Variants in COL4A3 observed in about 807,000 individuals in gnomAD.
The protein encoded by COL4A3 is collagen alpha-3(IV) chain.
A neutral mutation model predicts 217.4 loss-of-function variants in COL4A3; 135 were observed. The observed-to-expected ratio is 0.62, with a 90% confidence interval of 0.54 to 0.72. The LOEUF (loss-of-function observed/expected upper bound fraction) is 0.72. Ranked by LOEUF, COL4A3 falls within the 30% of genes least tolerant of loss-of-function variation. The probability of loss-of-function intolerance (pLI) is 0.00; values close to 1 mark genes in which losing one functional copy is unlikely to be tolerated. For synonymous variants in COL4A3, 690 were observed against 736.3 expected, an observed-to-expected ratio of 0.94 and a Z score of 1.02; for missense variants, 1,868 against 2,119.9, an observed-to-expected ratio of 0.88 and a Z score of 2.33.
At chr2:227,199,389 A>G (rs1399394644) in intron 1 of COL4A3, among the ~76,000 whole-genome samples, 1 of 152,184 alleles carries the variant, frequency 6.6e-6, no homozygotes, top group Admixed American at 6.5e-5. Flanking sequence ...GCATACTATC[A>G]TCCTAGAAAA....
intron 28 of COL4A3, among the ~76,000 whole-genome samples, chr2:227,279,061 G>A (rs1425531325): frequency 6.7e-6 from 1 of 149,662 alleles, no homozygotes; most frequent in Non-Finnish European, 1.5e-5. Context: ...TACCTGGGGT[G>A]CTGAAAACGT....
intron 50 of COL4A3, 86 bp from the exon 51 acceptor site, chr2:227,310,690 C>G: frequency 1.9e-6 from 2 of 1,061,934 alleles, no homozygotes; most frequent in Admixed American, 3.7e-5. Context: ...TCACAGTTGC[C>G]CATTCATTCA....
At chr2:227,221,494 C>A (rs1341807511) in intron 1 of COL4A3, 5 of 151,890 alleles carry the variant, frequency 3.3e-5, no homozygotes, top group African/African-American at 4.8e-5. Flanking sequence ...TCTGGAAAAA[C>A]CACAAATCTG....
At chr2:227,252,268 T>C (rs137909045) in intron 11 of COL4A3, among the ~76,000 whole-genome samples, 2,542 of 138,418 alleles carry the variant, frequency 0.018, 78 homozygotes, top group African/African-American at 0.066. Context: ...GGCTGGAGTG[T>C]AGTGGTGCGA....
At chr2:227,311,120 G>A (rs889876551) in intron 51 of COL4A3, among the ~76,000 whole-genome samples, 172 bp downstream of exon 51, 2 of 152,160 alleles carry the variant, frequency 1.3e-5, no homozygotes, top group Non-Finnish European at 2.9e-5. Flanking sequence ...TGAATTTATA[G>A]TAAATTACTT....
intron 1 of COL4A3, among the ~76,000 whole-genome samples, chr2:227,181,571 C>T (rs1049347393): frequency 6.6e-6 from 1 of 152,092 alleles, no homozygotes; most frequent in Non-Finnish European, 1.5e-5. Flanking sequence ...AAAAATAACT[C>T]CTCATATTAG....
intron 1 of COL4A3, among the ~76,000 whole-genome samples, chr2:227,194,925 T>C (rs1220187902): frequency 6.6e-6 from 1 of 152,156 alleles, no homozygotes; most frequent in Non-Finnish European, 1.5e-5. Flanking sequence ...CTAATGAATT[T>C]GAAAACATGA....
chr2:227,282,835 T>C lies in COL4A3; in HGVS notation c.2656+303T>C, dbSNP rs1246209033. On this transcript the variant is annotated intron_variant, in intron 32 of 51. Transcript: ENST00000396578. This position sits in a 1 kb window ranked among gnomAD's most constrained non-coding sequence, Gnocchi z 4.4. ...TATATTGAGAAGGGATATTGGTCTGTAGCGTTCTTGTGATGTCTTTGGTGT... is the reference window on the plus strand; with the variant it reads ...TATATTGAGAAGGGATATTGGTCTGCAGCGTTCTTGTGATGTCTTTGGTGT... Among the ~76,000 whole-genome samples, 1 of 152,200 alleles carries C rather than the reference T, an allele frequency of 6.6e-6. No homozygotes were observed. Among genetic ancestry groups the C allele is most frequent in the Non-Finnish European group, 1.5e-5 (1 of 68,034 alleles).
intron 3 of COL4A3, among the ~76,000 whole-genome samples, chr2:227,242,331 G>C (rs1410468492): frequency 1.3e-5 from 2 of 152,220 alleles, no homozygotes; most frequent in Non-Finnish European, 2.9e-5. Flanking sequence ...AGAAGGTCCA[G>C]AAGGGTCCCA....
At chr2:227,202,562 G>A (rs185790990) in intron 1 of COL4A3, among the ~76,000 whole-genome samples, 1 of 151,358 alleles carries the variant, frequency 6.6e-6, no homozygotes, top group East Asian at 1.9e-4. Flanking sequence ...GGCTAACACG[G>A]TGAAACCCCG....
At chr2:227,216,380 A>G (rs1272175662) in intron 1 of COL4A3, among the ~76,000 whole-genome samples, 1 of 152,220 alleles carries the variant, frequency 6.6e-6, no homozygotes, top group Non-Finnish European at 1.5e-5. Context: ...AACCAGGACA[A>G]TACTACAAAG....
chr2:227,279,767 CAAT>C (rs748536529), intron 28 of COL4A3, 23 bp from the exon 29 acceptor site: 46 of 1,483,694 alleles, frequency 3.1e-5, no homozygotes, highest in East Asian at 2.5e-4. Context: ...AATCCTACAA[CAAT>C]GTTTATTGTT....
chr2:227,286,613 G>C (rs2072343436), intron 34 of COL4A3, among the ~76,000 whole-genome samples: 1 of 152,200 alleles, frequency 6.6e-6, no homozygotes, highest in African/African-American at 2.4e-5. Context: ...ATAGGAAATG[G>C]CAGAGATGGG....
At chr2:227,192,438 C>A (rs1289947504) in intron 1 of COL4A3, among the ~76,000 whole-genome samples, 3 of 13,300 alleles carry the variant, frequency 2.3e-4, no homozygotes, top group African/African-American at 2.7e-4. Flanking sequence ...GGATGAAAAC[C>A]AACCTTTTCA....
At chr2:227,271,092 C>A in intron 25 of COL4A3, 140 bp downstream of exon 25, 1 of 763,284 alleles carries the variant, frequency 1.3e-6, no homozygotes, top group Non-Finnish European at 2.3e-6. Context: ...TTCAAATTAG[C>A]AGGAATAACC....
chr2:227,254,568 A>T, intron 14 of COL4A3, 88 bp from the exon 15 acceptor site: 2 of 1,055,114 alleles, frequency 1.9e-6, no homozygotes, highest in Non-Finnish European at 3.0e-6. Context: ...TAAATGGCAG[A>T]ATAACCAAAA....
At chr2:227,203,729 A>G (rs868322419) in intron 1 of COL4A3, among the ~76,000 whole-genome samples, 2,427 of 47,162 alleles carry the variant, frequency 0.051, 456 homozygotes, top group African/African-American at 0.13. Flanking sequence ...ATATGTGTGT[A>G]TATATGTGTA....
At chr2:227,217,515 T>C (rs1056349969) in intron 1 of COL4A3, among the ~76,000 whole-genome samples, 10 of 152,324 alleles carry the variant, frequency 6.6e-5, no homozygotes, top group African/African-American at 2.4e-4. Context: ...TTTGTACCAA[T>C]AGCCACAGTT....
chr2:227,298,604 C>T (rs1020498118), intron 42 of COL4A3, 78 bp from the exon 43 acceptor site: 229 of 1,584,088 alleles, frequency 1.4e-4, no homozygotes, highest in Non-Finnish European at 1.8e-4. Context: ...GTTTATACTT[C>T]ATTAGAAACA....
Sources: gnomAD v4.1 joint callset for allele counts (sites outside exome capture counted in the v4.1 genomes callset) on GRCh38, gnomAD v4.1.1 for gene constraint, Gnocchi (gnomAD v3.1) non-coding constraint, MANE v1.5 for transcripts, NCBI Gene and HGNC (gene_info 2026-07-23, HGNC 2026-07-21) for gene names.